Variants in IGSF10 observed in about 807,000 individuals in gnomAD.
The protein encoded by IGSF10 is immunoglobulin superfamily member 10, also known as calvaria mechanical force protein 608.
Under a neutral mutation model 128.2 loss-of-function variants are expected in IGSF10, and 126 were observed. The observed-to-expected ratio is 0.98, with a 90% CI of 0.85 to 1.14. The LOEUF is 1.14. IGSF10 is among the 50% of genes most tolerant of loss of function. IGSF10 has a pLI of 0.00. For missense variants in IGSF10, 3,295 were observed against 3,149.8 expected, an observed-to-expected ratio of 1.05 and a Z score of -1.10; for synonymous variants, 1,185 against 1,146.2, an observed-to-expected ratio of 1.03 and a Z score of -0.68.
At position 151,443,545 on chromosome 3, in the gene IGSF10, A is replaced by G. The variant is rs1488349430; in HGVS notation, c.5402T>C (p.Val1801Ala). The change falls in exon 7 of 8, where the codon GTT becomes GCT. Residue 1801 changes from valine to alanine, a missense_variant. Coordinates refer to ENST00000282466, the MANE Select transcript of IGSF10 (RefSeq NM_178822.5). ...ATTGTGGAGGACCAATGTTCCGTCA[A>G]CCGTCACCACAGCCTGCCTACTTCC... Reference protein sequence around the residue: ...SQGSRQAVVTVDGTLVLHNLS... With the variant: ...SQGSRQAVVTADGTLVLHNLS... 3.7e-6 allele frequency: 6 copies of G among 1,614,244 alleles called. No homozygotes were observed. Among genetic ancestry groups the G allele is most frequent in the East Asian group, 2.2e-5 (1 of 44,884 alleles).
At chr3:151,572,098 G>C in the IGSF10 span, among the ~76,000 whole-genome samples, 1 of 152,202 alleles carries the variant, frequency 6.6e-6, no homozygotes, top group African/African-American at 2.4e-5. Context: ...TAAGCCTTTT[G>C]ATGTGCTGCT....
downstream of IGSF10, chr3:151,433,297 A>G (rs941183432): frequency 2.0e-5 from 3 of 153,192 alleles, no homozygotes; most frequent in East Asian, 3.8e-4. Context: ...TGATGGTGAA[A>G]CGGACATTTA....
chr3:151,494,572 C>T, the IGSF10 span, among the ~76,000 whole-genome samples: 7 of 152,008 alleles, frequency 4.6e-5, no homozygotes, highest in African/African-American at 9.6e-5. Flanking sequence ...AATGTAAATA[C>T]GACTCAGGGT....
Position 151,437,055 on chromosome 3 carries a change from T to C in IGSF10, c.7506A>G (p.Gly2502=), listed in dbSNP as rs758019699. The stretch of plus-strand genomic sequence containing the variant: ...TATTTTGAGCCTTACAGATATAGTT[T>C]CCTCTGTCATAAGCTGTTGCTTCTT... ...VIKEATAYDR[G]NYICKAQNSV... Residue 2502 remains glycine (G), a synonymous_variant, in exon 8 of 8, where the codon GGA becomes GGG. Coordinates refer to ENST00000282466, the MANE Select transcript of IGSF10 (RefSeq NM_178822.5). The C allele has an allele frequency of 1.2e-6, 2 of 1,614,190 alleles. No individual in the cohort carries two copies. The highest frequency in any genetic ancestry group is 1.1e-5 in the South Asian group (1 of 91,084).
At chr3:151,471,918 A>G in the IGSF10 span, among the ~76,000 whole-genome samples, 2 of 152,222 alleles carry the variant, frequency 1.3e-5, no homozygotes, top group Non-Finnish European at 2.9e-5. Flanking sequence ...AATGCAATGC[A>G]TCTCATTTGG....
downstream of IGSF10, chr3:151,433,158 A>G (rs149607310): frequency 9.8e-3 from 1,720 of 175,516 alleles, 16 homozygotes; most frequent in Middle Eastern, 0.03. Context: ...TATGTATTTC[A>G]TTCATTAATG....
At chr3:151,572,155 C>G in the IGSF10 span, among the ~76,000 whole-genome samples, 2 of 152,190 alleles carry the variant, frequency 1.3e-5, no homozygotes, top group African/African-American at 4.8e-5. Context: ...CATTGATGAT[C>G]ATCAGGGATA....
At chr3:151,496,962 C>A in the IGSF10 span, among the ~76,000 whole-genome samples, 1 of 152,178 alleles carries the variant, frequency 6.6e-6, no homozygotes, top group Non-Finnish European at 1.5e-5. Context: ...TGTCTGTTGG[C>A]TGCATAAATG....
At chr3:151,493,392 G>C in the IGSF10 span, among the ~76,000 whole-genome samples, 2 of 152,128 alleles carry the variant, frequency 1.3e-5, no homozygotes, top group Non-Finnish European at 2.9e-5. Context: ...TTTGGTCAAC[G>C]ATGGACCCCC....
the IGSF10 span, among the ~76,000 whole-genome samples, chr3:151,528,860 C>G: frequency 6.7e-6 from 1 of 150,140 alleles, no homozygotes; most frequent in Non-Finnish European, 1.5e-5. Context: ...CAGAACTGTT[C>G]ACTCCCCTGG....
the IGSF10 span, among the ~76,000 whole-genome samples, chr3:151,539,274 GAGAAGACCAGAT>G: frequency 1.3e-5 from 2 of 152,178 alleles, no homozygotes; most frequent in Non-Finnish European, 2.9e-5. Flanking sequence ...TGTAACCCGA[GAGAAGACCAGAT>G]GCAGACGTGA....
At chr3:151,558,998 G>C in the IGSF10 span, among the ~76,000 whole-genome samples, 2 of 152,040 alleles carry the variant, frequency 1.3e-5, no homozygotes, top group Non-Finnish European at 2.9e-5. Context: ...CATGAGAAAG[G>C]CCTTAAGGGT....
the IGSF10 span, among the ~76,000 whole-genome samples, chr3:151,548,812 T>C: frequency 6.6e-6 from 1 of 151,916 alleles, no homozygotes; most frequent in Admixed American, 6.6e-5. Context: ...AATTTTCTCA[T>C]TTCTTCTTCT....
At chr3:151,454,194 T>C (rs1721666242) in intron 4 of IGSF10, among the ~76,000 whole-genome samples, 1 of 151,880 alleles carries the variant, frequency 6.6e-6, no homozygotes, top group Admixed American at 6.6e-5. Context: ...ATTTTTGTAG[T>C]TTTAGTAGAG....
chr3:151,543,973 A>C, the IGSF10 span, among the ~76,000 whole-genome samples: 7 of 152,152 alleles, frequency 4.6e-5, no homozygotes, highest in Non-Finnish European at 1.0e-4. Flanking sequence ...GCAGTGGCAC[A>C]ATCTTGGCTC....
the IGSF10 span, among the ~76,000 whole-genome samples, chr3:151,591,981 T>C: frequency 6.6e-6 from 1 of 152,212 alleles, no homozygotes; most frequent in Admixed American, 6.5e-5. Flanking sequence ...ATGCAGTTTG[T>C]ACCATCAAAA....
chr3:151,459,265 T>C (rs1721944155), intron 2 of IGSF10, among the ~76,000 whole-genome samples: 2 of 152,254 alleles, frequency 1.3e-5, no homozygotes, highest in Non-Finnish European at 2.9e-5. Context: ...TAGGTGTACA[T>C]ACATTTACGT....
the IGSF10 span, among the ~76,000 whole-genome samples, chr3:151,493,852 A>C: frequency 2.0e-5 from 3 of 151,524 alleles, no homozygotes; most frequent in East Asian, 5.8e-4. Context: ...TTTTGTTTAA[A>C]AAACAAACAA....
chr3:151,591,453 T>C, the IGSF10 span, among the ~76,000 whole-genome samples: 3 of 147,664 alleles, frequency 2.0e-5, no homozygotes, highest in South Asian at 6.3e-4. Flanking sequence ...ATATATTATA[T>C]ATATATTTAC....
Sources: allele counts gnomAD v4.1 joint callset (sites outside exome capture counted in the v4.1 genomes callset), GRCh38; gene constraint gnomAD v4.1.1; transcripts MANE v1.5; gene names NCBI Gene and HGNC (gene_info 2026-07-23, HGNC 2026-07-21).